Variants in DLC1 observed in about 807,000 individuals in gnomAD.
DLC1 encodes the protein DLC1 Rho GTPase activating protein.
Under a neutral mutation model 140.3 loss-of-function variants are expected in DLC1, and 54 were observed. The ratio of observed to expected loss-of-function variants is 0.38; its 90% CI spans 0.31 to 0.48. The LOEUF is 0.48. Ranked by LOEUF, DLC1 falls within the 20% of genes least tolerant of loss-of-function variation. DLC1 has a pLI of 0.96. For missense variants in DLC1, 2,536 were observed against 1,907.0 expected, an observed-to-expected ratio of 1.33 and a Z score of -6.14; for synonymous variants, 986 against 728.1, an observed-to-expected ratio of 1.35 and a Z score of -5.70.
At chr8:13,473,288 T>C (rs961729) in intron 2 of DLC1, among the ~76,000 whole-genome samples, 147,280 of 152,216 alleles carry the variant, frequency 0.97, 71,456 homozygotes, top group East Asian at 1. Flanking sequence ...GGGAAGGACC[T>C]GGTGGGAGGT....
chr8:13,266,804 A>G (rs1226311726), intron 5 of DLC1, among the ~76,000 whole-genome samples: 1 of 152,148 alleles, frequency 6.6e-6, no homozygotes, highest in Non-Finnish European at 1.5e-5. Flanking sequence ...TTCTAATACA[A>G]CAAAAAACTG....
intron 8 of DLC1, chr8:13,100,983 G>C (rs1431404431): frequency 8.3e-6 from 4 of 480,850 alleles, no homozygotes; most frequent in Non-Finnish European, 1.3e-5. Flanking sequence ...CTGAACTGCT[G>C]ACCTCAAGTG....
chr8:13,111,082 T>C (rs1820071178), intron 6 of DLC1, among the ~76,000 whole-genome samples: 1 of 152,164 alleles, frequency 6.6e-6, no homozygotes, highest in Non-Finnish European at 1.5e-5. Context: ...GTTCAGAACA[T>C]TGTTATATGT....
intron 5 of DLC1, among the ~76,000 whole-genome samples, chr8:13,224,086 A>G (rs995234834): frequency 6.6e-5 from 10 of 152,218 alleles, no homozygotes; most frequent in African/African-American, 4.8e-5. Flanking sequence ...CACAAAAACA[A>G]CTTTTTCCTT....
At position 13,567,774 on chromosome 8, in the gene DLC1, C is replaced by T. The variant is rs374857532; in HGVS notation, c.-126+36763G>A. On this transcript the variant is annotated intron_variant, in intron 1 of 1. Coordinates refer to the DLC1 transcript ENST00000631382. The stretch of plus-strand genomic sequence containing the variant: ...GGCTTTCAGATGACCCCAGAATAAT[C>T]TGGAAAAGACTGACTGAGAAAAGTC... 2.0e-4 allele frequency: 317 copies of T among 1,551,924 alleles called. 1 individual carries two copies. In the African/African-American group the frequency reaches 4.0e-3, roughly 20 times the overall value.
intron 5 of DLC1, among the ~76,000 whole-genome samples, chr8:13,149,643 T>A (rs1005656090): frequency 2.6e-5 from 4 of 152,170 alleles, no homozygotes; most frequent in African/African-American, 9.7e-5. Context: ...TTTTTCACGT[T>A]CTCTTTTATA....
In DLC1 at chr8:13,098,526, T is replaced by G; in HGVS notation, c.3040A>C (p.Asn1014His). The G allele has an allele frequency of 6.2e-7, 1 of 1,614,252 alleles. No homozygotes were observed. The highest frequency in any genetic ancestry group is 2.2e-5 in the East Asian group (1 of 44,888). Residue 1014 changes from asparagine to histidine, a missense_variant, in exon 10 of 18, where the codon AAC (asparagine) becomes CAC (histidine). By Grantham distance (68) the Asn-to-His change is moderately conservative. Coordinates refer to ENST00000276297, the MANE Select transcript of DLC1 (RefSeq NM_182643.3). ...SFQSSHRPSL[N>H]SVSLQINCQS... ...CAGTTAATCTGTAGTGATACAGAGTTGAGGCTTGGCCGATGTGAGCTCTGG... is the reference window on the plus strand; with the variant it reads ...CAGTTAATCTGTAGTGATACAGAGTGGAGGCTTGGCCGATGTGAGCTCTGG...
At chr8:13,405,792 TCTC>T (rs552409848) in intron 2 of DLC1, among the ~76,000 whole-genome samples, 57 of 151,728 alleles carry the variant, frequency 3.8e-4, no homozygotes, top group African/African-American at 1.4e-3. Context: ...CCTCTTTTCT[TCTC>T]TTTTTTTCTC....
intron 1 of DLC1, among the ~76,000 whole-genome samples, chr8:13,531,725 G>A (rs1189091689): frequency 1.3e-5 from 2 of 152,168 alleles, no homozygotes; most frequent in African/African-American, 2.4e-5. Context: ...CAATTAAGAT[G>A]GGTGCTGAAA....
chr8:13,258,113 A>G (rs1395366571), intron 5 of DLC1, among the ~76,000 whole-genome samples: 2 of 152,174 alleles, frequency 1.3e-5, no homozygotes, highest in Non-Finnish European at 2.9e-5. Context: ...AACTTGAATC[A>G]CCCAGCAAAT....
intron 5 of DLC1, among the ~76,000 whole-genome samples, chr8:13,168,804 G>A (rs997182662): frequency 9.8e-5 from 15 of 152,302 alleles, no homozygotes; most frequent in East Asian, 1.9e-4. Flanking sequence ...TGACCTTCTC[G>A]TTGCTATATC....
chr8:13,459,725 G>T (rs538968227), intron 2 of DLC1, among the ~76,000 whole-genome samples: 16 of 151,920 alleles, frequency 1.1e-4, no homozygotes, highest in Admixed American at 7.9e-4. Flanking sequence ...TTTCCCATCC[G>T]GTCTAAATAG....
At chr8:13,161,254 G>A (rs545634644) in intron 5 of DLC1, among the ~76,000 whole-genome samples, 5 of 152,288 alleles carry the variant, frequency 3.3e-5, no homozygotes, top group South Asian at 2.1e-4. Flanking sequence ...TAGTAAGTGC[G>A]ACCACAGTAA....
chr8:13,115,704 C>T (rs1167175255), intron 5 of DLC1, 47 bp from the exon 6 acceptor site: 4 of 1,574,562 alleles, frequency 2.5e-6, no homozygotes, highest in Non-Finnish European at 3.5e-6. Flanking sequence ...TGTACCTCGC[C>T]ATGCTTATTT....
rs548523109 is a variant in DLC1, at chr8:13,422,209, A to C, written c.1024-20590T>G. 2.0e-5 allele frequency among the ~76,000 whole-genome samples: 3 copies of C among 152,264 alleles called. No individual in the cohort carries two copies. In the East Asian group the frequency reaches 5.8e-4, roughly 29 times the overall value. On this transcript the variant is annotated intron_variant, in intron 2 of 17. Transcript: ENST00000276297. ...TAGCATATATATTTAATGAGGTTTA[A>C]ACTAATACCTCAAAGTAATCTTTCT...
intron 5 of DLC1, among the ~76,000 whole-genome samples, chr8:13,261,644 G>T (rs539650417): frequency 6.6e-6 from 1 of 152,240 alleles, no homozygotes; most frequent in African/African-American, 2.4e-5. Context: ...GGCAGTGAGG[G>T]TGGTGCCAAG....
chr8:13,128,386 G>C (rs1345169284), intron 5 of DLC1, among the ~76,000 whole-genome samples: 2 of 152,142 alleles, frequency 1.3e-5, no homozygotes, highest in Non-Finnish European at 2.9e-5. Context: ...TCCCCCCATG[G>C]AGGGGACTCA....
At chr8:13,429,706 G>A (rs1045803557) in intron 2 of DLC1, among the ~76,000 whole-genome samples, 1 of 152,120 alleles carries the variant, frequency 6.6e-6, no homozygotes, top group African/African-American at 2.4e-5. Flanking sequence ...TGCATTTCTT[G>A]TTAGTATCTA....
At chr8:13,367,513 A>G (rs1005877993) in intron 4 of DLC1, among the ~76,000 whole-genome samples, 9 of 152,224 alleles carry the variant, frequency 5.9e-5, no homozygotes, top group African/African-American at 2.2e-4. Flanking sequence ...GTTTTTTTGT[A>G]CAACCTTGTT....
Sources: allele counts gnomAD v4.1 joint callset (sites outside exome capture counted in the v4.1 genomes callset), GRCh38; gene constraint gnomAD v4.1.1; transcripts MANE v1.5; gene names NCBI Gene and HGNC (gene_info 2026-07-23, HGNC 2026-07-21).